Variants in LRRFIP1 observed in about 807,000 individuals in gnomAD.
LRRFIP1 encodes LRR binding FLII interacting protein 1.
Under a neutral mutation model 104.4 loss-of-function variants are expected in LRRFIP1, and 62 were observed. The observed-to-expected ratio is 0.59, with a 90% CI of 0.48 to 0.73. The LOEUF (loss-of-function observed/expected upper bound fraction) is 0.73. Ranked by LOEUF, LRRFIP1 falls within the 30% of genes least tolerant of loss-of-function variation. The probability of loss-of-function intolerance (pLI) is 0.00; values close to 1 mark genes in which losing one functional copy is unlikely to be tolerated. For synonymous variants in LRRFIP1, 300 were observed against 299.0 expected (o/e 1.00, Z -0.03); for missense variants, 796 against 824.5 (o/e 0.97, Z 0.42).
chr2:237,748,065 T>C (rs543325682), intron 11 of LRRFIP1, among the ~76,000 whole-genome samples: 39 of 152,314 alleles, frequency 2.6e-4, no homozygotes, highest in Admixed American at 4.6e-4. Context: ...CCGTTCCTCA[T>C]GTGCACCCTC....
At chr2:237,706,895 C>T (rs1382104540) in intron 1 of LRRFIP1, among the ~76,000 whole-genome samples, 1 of 152,232 alleles carries the variant, frequency 6.6e-6, no homozygotes, top group East Asian at 1.9e-4. Flanking sequence ...TTCCAAAGTG[C>T]TGGGATTCCA....
intron 11 of LRRFIP1, among the ~76,000 whole-genome samples, chr2:237,745,549 C>T (rs371461734): frequency 3.3e-5 from 5 of 152,016 alleles, no homozygotes; most frequent in African/African-American, 9.7e-5. Flanking sequence ...ATGATGTAGA[C>T]GGTTACAAGC....
intron 1 of LRRFIP1, among the ~76,000 whole-genome samples, chr2:237,651,464 G>A (rs1189656904): frequency 1.3e-5 from 2 of 152,166 alleles, no homozygotes; most frequent in Non-Finnish European, 2.9e-5. Flanking sequence ...TCAGGATCTA[G>A]AGAGTCCACG....
chr2:237,692,671 A>C, intron 1 of LRRFIP1: 15 of 1,139,174 alleles, frequency 1.3e-5, no homozygotes, highest in Non-Finnish European at 1.6e-5. Context: ...GAGCGGGCGC[A>C]GTGGGCGCGG....
rs1011128810 is a variant in LRRFIP1, at chr2:237,703,996, G to A, written c.97-4548G>A. Among the ~76,000 whole-genome samples the A allele has an allele frequency of 2.6e-5, 4 of 151,906 alleles. No individual in the cohort carries two copies. Among genetic ancestry groups the A allele is most frequent in the African/African-American group, 4.8e-5 (2 of 41,340 alleles). On this transcript the variant is annotated intron_variant, in intron 1 of 23. Transcript: ENST00000308482. This position sits in a 1 kb window ranked among gnomAD's most constrained non-coding sequence, Gnocchi z 4.3. ...GATAAAGGATTTGTCCTGCGCCACC[G>A]GAGCACTGGCCTGAGGTGCCCTGAT...
chr2:237,743,444 C>G (rs1030627879), intron 11 of LRRFIP1, among the ~76,000 whole-genome samples: 1 of 152,222 alleles, frequency 6.6e-6, no homozygotes, highest in Non-Finnish European at 1.5e-5. Context: ...ACTTGGTCCT[C>G]CCAGGGTCCT....
chr2:237,762,962 G>A, intron 19 of LRRFIP1: 3 of 1,614,214 alleles, frequency 1.9e-6, no homozygotes, highest in South Asian at 1.1e-5. Flanking sequence ...CTTAGATGGT[G>A]GGAACCACAC....
At chr2:237,704,704 T>A (rs2093717172) in intron 1 of LRRFIP1, among the ~76,000 whole-genome samples, 1 of 152,134 alleles carries the variant, frequency 6.6e-6, no homozygotes, top group Non-Finnish European at 1.5e-5. Flanking sequence ...GGGGGGTAGA[T>A]GTTCTAGAAG....
chr2:237,686,193 T>C (rs555280058), intron 1 of LRRFIP1, among the ~76,000 whole-genome samples: 3 of 152,320 alleles, frequency 2.0e-5, no homozygotes, highest in African/African-American at 7.2e-5. Flanking sequence ...GTTAGACTCC[T>C]CCACTGAGGC....
At chr2:237,710,101 C>A (rs535660835) in intron 2 of LRRFIP1, among the ~76,000 whole-genome samples, 1 of 152,134 alleles carries the variant, frequency 6.6e-6, no homozygotes, top group South Asian at 2.1e-4. Flanking sequence ...GATCCTCCCG[C>A]CTTGACCTCC....
At chr2:237,774,842 G>A (rs561995637) in intron 23 of LRRFIP1, among the ~76,000 whole-genome samples, 48 of 152,380 alleles carry the variant, frequency 3.2e-4, no homozygotes, top group Non-Finnish European at 5.7e-4. Flanking sequence ...CAAGAGCTGG[G>A]TGTGGCACCA....
At chr2:237,685,938 G>A (rs1453058261) in intron 1 of LRRFIP1, among the ~76,000 whole-genome samples, 1 of 152,212 alleles carries the variant, frequency 6.6e-6, no homozygotes, top group Non-Finnish European at 1.5e-5. Context: ...AATGACCAGT[G>A]TTTTTCTAGT....
At chr2:237,662,279 C>T in intron 1 of LRRFIP1, among the ~76,000 whole-genome samples, 1 of 152,138 alleles carries the variant, frequency 6.6e-6, no homozygotes, top group Non-Finnish European at 1.5e-5. Flanking sequence ...TGAGGGCCCA[C>T]CCTAATCTAG....
chr2:237,777,582 C>T (rs1327986869), intron 23 of LRRFIP1, among the ~76,000 whole-genome samples: 2 of 151,980 alleles, frequency 1.3e-5, no homozygotes, highest in East Asian at 3.9e-4. Context: ...ACGGTCGGTC[C>T]TTTGTAGGGA....
intron 1 of LRRFIP1, chr2:237,692,308 C>G: frequency 8.2e-7 from 1 of 1,215,358 alleles, no homozygotes; most frequent in South Asian, 4.0e-5. Flanking sequence ...CGGGCTGGCT[C>G]CTGGCCCCGG....
intron 19 of LRRFIP1, chr2:237,763,149 A>G (rs2060037599): frequency 3.7e-6 from 6 of 1,614,270 alleles, no homozygotes; most frequent in Non-Finnish European, 5.1e-6. Flanking sequence ...TTCACCAACC[A>G]GGAAGCAGCT....
chr2:237,673,830 C>G (rs146789649), intron 1 of LRRFIP1, among the ~76,000 whole-genome samples: 90 of 152,226 alleles, frequency 5.9e-4, no homozygotes, highest in Admixed American at 1.3e-3. Context: ...GACTCGATGA[C>G]GGGCGGAGAG....
chr2:237,640,737 C>T (rs967751562), intron 1 of LRRFIP1, among the ~76,000 whole-genome samples: 1 of 152,236 alleles, frequency 6.6e-6, no homozygotes. Context: ...CTCCGCAGCT[C>T]TCTGCACGAT....
At position 237,779,775 on chromosome 2, in the gene LRRFIP1, T is replaced by C. The variant is rs996407372; in HGVS notation, c.*243T>C. ...CCGACGCTCAGAACCTGCAGGTACTTCATAAGCACACAGGGGCCTCGAGGG... is the reference window on the plus strand; with the variant it reads ...CCGACGCTCAGAACCTGCAGGTACTCCATAAGCACACAGGGGCCTCGAGGG... On this transcript the variant is annotated 3_prime_UTR_variant, in exon 24 of 24. Transcript: ENST00000308482. 6 of 379,566 alleles carry C rather than the reference T, an allele frequency of 1.6e-5. No individual in the cohort carries two copies. Among genetic ancestry groups the C allele is most frequent in the African/African-American group, 1.2e-4 (6 of 48,456 alleles). 23.5% of individuals were successfully genotyped at this position (379,566 alleles called of 1,614,324 possible).
Sources: gnomAD v4.1 joint callset for allele counts (sites outside exome capture counted in the v4.1 genomes callset) on GRCh38, gnomAD v4.1.1 for gene constraint, Gnocchi (gnomAD v3.1) non-coding constraint, MANE v1.5 for transcripts, NCBI Gene and HGNC (gene_info 2026-07-23, HGNC 2026-07-21) for gene names.